The following RAD52 variants were observed in gnomAD, a reference collection of about 807,000 sequenced individuals.
RAD52 encodes DNA repair protein RAD52 homolog.
RAD52 carries 47 observed loss-of-function variants against 55.5 expected under a neutral mutation model. That is an observed-to-expected ratio of 0.85 (90% CI 0.67 to 1.08). The LOEUF (loss-of-function observed/expected upper bound fraction) is 1.08, where lower values mean the gene tolerates loss of function less well. RAD52 is among the 50% of genes least tolerant of loss of function. The probability of loss-of-function intolerance (pLI) is 0.00; values close to 1 mark genes in which losing one functional copy is unlikely to be tolerated. For missense variants in RAD52, 468 were observed against 522.8 expected (o/e 0.90, Z 1.02); for synonymous variants, 184 against 198.9 (o/e 0.92, Z 0.63).
intron 9 of RAD52, among the ~76,000 whole-genome samples, chr12:914,806 C>G (rs1245522654): frequency 2.2e-5 from 3 of 137,728 alleles, no homozygotes; most frequent in Non-Finnish European, 4.6e-5. Flanking sequence ...CACAGGCCAT[C>G]TAATCCAGTG....
chr12:971,994 C>T (rs1257599783), intron 1 of RAD52, among the ~76,000 whole-genome samples: 3 of 152,108 alleles, frequency 2.0e-5, no homozygotes, highest in South Asian at 4.1e-4. Context: ...GTGATCCGCC[C>T]GCCTCGGCCT....
upstream of RAD52, among the ~76,000 whole-genome samples, chr12:952,423 G>T (rs1406852980): frequency 6.6e-5 from 10 of 152,122 alleles, no homozygotes; most frequent in Non-Finnish European, 8.8e-5. Context: ...TTTAAAAATA[G>T]TTCCTGCTAT....
At chr12:967,195 A>G (rs1327226218) in intron 1 of RAD52, among the ~76,000 whole-genome samples, 1 of 151,948 alleles carries the variant, frequency 6.6e-6, no homozygotes, top group Non-Finnish European at 1.5e-5. Flanking sequence ...CCTGGCCAAC[A>G]TGGTGAAACC....
At chr12:983,073 C>G (rs866881144) in intron 1 of RAD52, among the ~76,000 whole-genome samples, 1 of 150,690 alleles carries the variant, frequency 6.6e-6, no homozygotes, top group South Asian at 2.1e-4. Flanking sequence ...TGGTCTCGAA[C>G]TCTTGATCTC....
chr12:949,686 G>A lies in RAD52; in HGVS notation c.-103C>T, dbSNP rs1226451290. ...AGAGATCTTAGATGGAGGCCGCGCA[G>A]AGGAGAATGGGAAGGGTGCGCGAGC... On this transcript the variant is annotated 5_prime_UTR_variant, in exon 1 of 12. Transcript: ENST00000358495. 1 of 152,200 alleles carries A rather than the reference G, an allele frequency of 6.6e-6. No individual in the cohort carries two copies. Among genetic ancestry groups the A allele is most frequent in the Admixed American group, 6.5e-5 (1 of 15,268 alleles). 9.4% of individuals were successfully genotyped at this position (152,200 alleles called of 1,614,324 possible). A position where few individuals can be genotyped will look rare whatever the true frequency, so the allele number is the denominator to read the frequency against.
Position 944,265 on chromosome 12 carries a change from G to A in RAD52, c.-19+5337C>T, listed in dbSNP as rs569716766. 2.0e-4 allele frequency among the ~76,000 whole-genome samples: 31 copies of A among 152,002 alleles called. 1 individual carries two copies. In the South Asian group the frequency reaches 5.2e-3, roughly 25 times the overall value. ...TAGCCAGGAGTGGTGGCTCACGCCTGTAATCCCAGCACTTGAGGCTGAAGT... is the reference window on the plus strand; with the variant it reads ...TAGCCAGGAGTGGTGGCTCACGCCTATAATCCCAGCACTTGAGGCTGAAGT... On this transcript the variant is annotated intron_variant, in intron 1 of 11. Transcript: ENST00000358495.
At chr12:981,499 A>C (rs1274601067) in intron 1 of RAD52, among the ~76,000 whole-genome samples, 1 of 152,170 alleles carries the variant, frequency 6.6e-6, no homozygotes, top group Non-Finnish European at 1.5e-5. Context: ...CCTGAGTATA[A>C]TAGTGGGACA....
At chr12:920,122 C>G (rs1394949373) in intron 7 of RAD52, among the ~76,000 whole-genome samples, 2 of 112,260 alleles carry the variant, frequency 1.8e-5, no homozygotes, top group East Asian at 2.3e-4. Context: ...GAGGCTGAGG[C>G]AGGAGAACTG....
At chr12:940,381 G>A (rs899532017) in intron 1 of RAD52, among the ~76,000 whole-genome samples, 4 of 152,006 alleles carry the variant, frequency 2.6e-5, no homozygotes, top group African/African-American at 7.2e-5. Context: ...GGCGGATCAC[G>A]AGGTCAAGAG....
At chr12:949,421 A>G (rs1303564536) in intron 1 of RAD52, 181 bp downstream of exon 1, 1 of 152,270 alleles carries the variant, frequency 6.6e-6, no homozygotes, top group African/African-American at 2.4e-5. Context: ...AGGCCCGGAT[A>G]CTGAGCCCCT....
intron 1 of RAD52, among the ~76,000 whole-genome samples, chr12:987,862 C>T (rs1015993404): frequency 6.6e-6 from 1 of 152,174 alleles, no homozygotes; most frequent in Non-Finnish European, 1.5e-5. Context: ...GCACCCGGCC[C>T]TATTTTCTTT....
upstream of RAD52, among the ~76,000 whole-genome samples, chr12:954,406 T>C (rs1958577674): frequency 1.3e-5 from 2 of 152,208 alleles, no homozygotes; most frequent in African/African-American, 4.8e-5. Context: ...CCGAGGTGGG[T>C]GGATCACTTG....
At chr12:915,275 A>G (rs1393942266) in intron 9 of RAD52, among the ~76,000 whole-genome samples, 2 of 152,238 alleles carry the variant, frequency 1.3e-5, no homozygotes, top group African/African-American at 2.4e-5. Flanking sequence ...AGCTTCTGCA[A>G]TGGTTAAGAA....
intron 1 of RAD52, among the ~76,000 whole-genome samples, chr12:968,038 C>T (rs1447883276): frequency 6.6e-6 from 1 of 152,188 alleles, no homozygotes; most frequent in East Asian, 1.9e-4. Context: ...TTATGCCTTT[C>T]CCATTTCATT....
At chr12:969,780 AC>A (rs1258544620) in intron 1 of RAD52, among the ~76,000 whole-genome samples, 1 of 151,080 alleles carries the variant, frequency 6.6e-6, no homozygotes, top group Admixed American at 6.6e-5. Flanking sequence ...ACAGAGCAAG[AC>A]CCTGACTCTT....
chr12:978,071 T>C (rs910258171), intron 1 of RAD52, among the ~76,000 whole-genome samples: 11 of 152,358 alleles, frequency 7.2e-5, no homozygotes, highest in Admixed American at 2.0e-4. Context: ...TCTTATAGAA[T>C]GTCCCACAGA....
chr12:920,392 TA>T (rs796880915), intron 7 of RAD52, among the ~76,000 whole-genome samples: 1 of 117,636 alleles, frequency 8.5e-6, no homozygotes, highest in Non-Finnish European at 1.8e-5. Flanking sequence ...CCGTCTCTAC[TA>T]AAAATACAAA....
chr12:931,130 C>T (rs1286895642), intron 3 of RAD52, 90 bp downstream of exon 3: 13 of 1,070,602 alleles, frequency 1.2e-5, no homozygotes, highest in East Asian at 2.5e-5. Flanking sequence ...AGCAGACTTC[C>T]GAATCCCTGA....
At chr12:950,262 G>T (rs927518256), upstream of RAD52, among the ~76,000 whole-genome samples, 2 of 152,112 alleles carry the variant, frequency 1.3e-5, no homozygotes, top group Non-Finnish European at 2.9e-5. Flanking sequence ...GGCTTGGGGG[G>T]CGAAGTCCCC....
Sources: allele counts gnomAD v4.1 joint callset (sites outside exome capture counted in the v4.1 genomes callset), GRCh38; gene constraint gnomAD v4.1.1; transcripts MANE v1.5; gene names NCBI Gene and HGNC (gene_info 2026-07-23, HGNC 2026-07-21).